The following CSMD1 variants were observed in gnomAD, a reference collection of about 807,000 sequenced individuals.
CSMD1 encodes CUB and Sushi multiple domains 1.
A neutral mutation model predicts 417.5 loss-of-function variants in CSMD1; 213 were observed. The ratio of observed to expected loss-of-function variants is 0.51; its 90% CI spans 0.46 to 0.57. The LOEUF (loss-of-function observed/expected upper bound fraction) is 0.57, where lower values mean the gene tolerates loss of function less well. Ranked by LOEUF, CSMD1 falls within the 20% of genes least tolerant of loss-of-function variation. The probability of loss-of-function intolerance (pLI) is 0.00; values close to 1 mark genes in which losing one functional copy is unlikely to be tolerated. For missense variants in CSMD1, 6,923 were observed against 4,529.7 expected, an observed-to-expected ratio of 1.53 and a Z score of -15.17; for synonymous variants, 2,862 against 1,736.8, an observed-to-expected ratio of 1.65 and a Z score of -16.11.
At chr8:3,544,113 G>C (rs747468767) in intron 10 of CSMD1, among the ~76,000 whole-genome samples, 5 of 152,056 alleles carry the variant, frequency 3.3e-5, no homozygotes, top group Non-Finnish European at 7.4e-5. Context: ...TTGAGTGAGG[G>C]CTTGGTAAAA....
chr8:4,022,680 G>C (rs948216121), intron 4 of CSMD1, among the ~76,000 whole-genome samples: 2 of 152,154 alleles, frequency 1.3e-5, no homozygotes, highest in Non-Finnish European at 2.9e-5. Context: ...AGATTTGGGG[G>C]AAATGAAGGC....
intron 49 of CSMD1, among the ~76,000 whole-genome samples, chr8:3,076,275 T>C (rs949732741): frequency 3.8e-5 from 3 of 77,952 alleles, no homozygotes; most frequent in African/African-American, 2.2e-4. Context: ...TGTCCCTGCA[T>C]GGTCGCCCCT....
intron 26 of CSMD1, among the ~76,000 whole-genome samples, chr8:3,250,230 C>T (rs527988893): frequency 1.3e-5 from 2 of 152,192 alleles, no homozygotes; most frequent in South Asian, 2.1e-4. Context: ...CACAACAGGC[C>T]CCAGTGTGTG....
chr8:3,569,655 G>T (rs1799864949), intron 10 of CSMD1, among the ~76,000 whole-genome samples: 1 of 152,132 alleles, frequency 6.6e-6, no homozygotes, highest in Admixed American at 6.5e-5. Context: ...TTTCTCTTAT[G>T]TTCAATACGT....
At chr8:3,957,640 T>C (rs1350878523) in intron 5 of CSMD1, among the ~76,000 whole-genome samples, 1 of 151,404 alleles carries the variant, frequency 6.6e-6, no homozygotes, top group Non-Finnish European at 1.5e-5. Flanking sequence ...ACTATAGTCA[T>C]GCCACTGCAC....
chr8:3,529,176 G>A (rs928633120), intron 10 of CSMD1, among the ~76,000 whole-genome samples: 1 of 152,086 alleles, frequency 6.6e-6, no homozygotes, highest in Non-Finnish European at 1.5e-5. Flanking sequence ...ACTGATTTAG[G>A]TCCTACTGTT....
chr8:3,466,042 T>C (rs991473954), intron 12 of CSMD1, among the ~76,000 whole-genome samples: 40 of 152,198 alleles, frequency 2.6e-4, no homozygotes, highest in African/African-American at 9.4e-4. Flanking sequence ...ATTTATATAA[T>C]GAAAACATCA....
chr8:4,315,398 C>G (rs573611098), intron 3 of CSMD1, among the ~76,000 whole-genome samples: 1 of 152,088 alleles, frequency 6.6e-6, no homozygotes, highest in Non-Finnish European at 1.5e-5. Context: ...TGTCCCCAAG[C>G]AAGGGATGAG....
chr8:3,968,141 C>T (rs1004143517), intron 5 of CSMD1, among the ~76,000 whole-genome samples: 3 of 151,692 alleles, frequency 2.0e-5, no homozygotes, highest in Admixed American at 6.6e-5. Flanking sequence ...GAGCCGAGAT[C>T]GACCCACTGC....
intron 5 of CSMD1, among the ~76,000 whole-genome samples, chr8:3,972,811 T>A (rs1269968002): frequency 6.6e-6 from 1 of 152,208 alleles, no homozygotes; most frequent in East Asian, 1.9e-4. Flanking sequence ...ATGGGAATAA[T>A]TTTGGATATT....
At chr8:3,606,761 G>A (rs1379422701) in intron 8 of CSMD1, among the ~76,000 whole-genome samples, 1 of 151,134 alleles carries the variant, frequency 6.6e-6, no homozygotes, top group African/African-American at 2.4e-5. Flanking sequence ...CCCAGGCTGG[G>A]GTACAGTGGC....
chr8:3,041,803 T>TG (rs149898754), intron 50 of CSMD1, among the ~76,000 whole-genome samples: 31,972 of 152,108 alleles, frequency 0.21, 4,156 homozygotes, highest in East Asian at 0.45. Flanking sequence ...AGCTTCTTTC[T>TG]GGCAGCCATC....
intron 25 of CSMD1, among the ~76,000 whole-genome samples, chr8:3,300,790 T>G (rs1033593582): frequency 2.0e-5 from 3 of 149,686 alleles, no homozygotes; most frequent in Non-Finnish European, 4.5e-5. Flanking sequence ...ACCCCGTGTC[T>G]ACTAAAAATA....
chr8:4,606,766 A>G (rs2130779958), intron 2 of CSMD1, among the ~76,000 whole-genome samples: 1 of 152,300 alleles, frequency 6.6e-6, no homozygotes, highest in African/African-American at 2.4e-5. Flanking sequence ...GGGATAGTAA[A>G]TTTTCAAATT....
chr8:4,054,684 A>G (rs1798601574), intron 3 of CSMD1, among the ~76,000 whole-genome samples: 2 of 152,136 alleles, frequency 1.3e-5, no homozygotes, highest in African/African-American at 4.8e-5. Context: ...ACATTAGCTG[A>G]ATACATGTGA....
At chr8:4,063,741 C>T (rs13267692) in intron 3 of CSMD1, among the ~76,000 whole-genome samples, 67,196 of 152,028 alleles carry the variant, frequency 0.44, 15,603 homozygotes, top group Non-Finnish European at 0.48. Context: ...TGGGAAGTGC[C>T]TTTTATTTTG....
chr8:4,054,134 T>C (rs1798572582), intron 3 of CSMD1, among the ~76,000 whole-genome samples: 1 of 152,162 alleles, frequency 6.6e-6, no homozygotes, highest in Admixed American at 6.5e-5. Flanking sequence ...CTCCACTTTT[T>C]TCTATGTAAG....
intron 51 of CSMD1, 57 bp downstream of exon 51, chr8:3,029,262 C>G: frequency 7.0e-7 from 1 of 1,424,486 alleles, no homozygotes; most frequent in East Asian, 2.3e-5. Context: ...CTGACATAAG[C>G]CATCTAGAAT....
At chr8:3,207,676 T>C (rs1047134862) in intron 30 of CSMD1, among the ~76,000 whole-genome samples, 1 of 152,134 alleles carries the variant, frequency 6.6e-6, no homozygotes, top group East Asian at 1.9e-4. Context: ...AGTTGTATTC[T>C]AAAAGTCAAA....
Sources: allele counts gnomAD v4.1 joint callset (sites outside exome capture counted in the v4.1 genomes callset), GRCh38; gene constraint gnomAD v4.1.1; transcripts MANE v1.5; gene names NCBI Gene and HGNC (gene_info 2026-07-23, HGNC 2026-07-21).